The following PPIP5K2 variants were observed in gnomAD, a reference collection of about 807,000 sequenced individuals.
PPIP5K2 encodes inositol hexakisphosphate and diphosphoinositol-pentakisphosphate kinase 2.
Under a neutral mutation model 154.6 loss-of-function variants are expected in PPIP5K2, and 105 were observed. The observed-to-expected ratio is 0.68, with a 90% confidence interval of 0.58 to 0.80. The LOEUF is 0.80. Among genes scored for constraint, PPIP5K2 ranks in the 30% least tolerant of loss-of-function variants. The pLI is 0.00. For missense variants in PPIP5K2, 992 were observed against 1,504.6 expected, an observed-to-expected ratio of 0.66 and a Z score of 5.64; for synonymous variants, 480 against 490.3, an observed-to-expected ratio of 0.98 and a Z score of 0.28.
Position 103,203,078 on chromosome 5 carries a change from T to A in PPIP5K2, c.*1444T>A, listed in dbSNP as rs895548697. On this transcript the variant is annotated 3_prime_UTR_variant, in exon 31 of 31. Coordinates refer to ENST00000358359, the MANE Select transcript of PPIP5K2 (RefSeq NM_001276277.3). ...AATGTAAATGTGTTATATGGAGACATGTCTTGTAAACAGTTGAATGTATGT... is the reference window on the plus strand; with the variant it reads ...AATGTAAATGTGTTATATGGAGACAAGTCTTGTAAACAGTTGAATGTATGT... The A allele has an allele frequency of 6.6e-6, 1 of 152,594 alleles. No individual in the cohort carries two copies. The highest frequency in any genetic ancestry group is 1.5e-5 in the Non-Finnish European group (1 of 67,998). 9.5% of individuals were successfully genotyped at this position (152,594 alleles called of 1,614,324 possible).
At chr5:103,171,693 C>T (rs979405994) in intron 19 of PPIP5K2, among the ~76,000 whole-genome samples, 1 of 151,430 alleles carries the variant, frequency 6.6e-6, no homozygotes, top group Non-Finnish European at 1.5e-5. Context: ...ACATTACCAA[C>T]AAAAGAAAAA....
chr5:103,122,451 G>A (rs1554199363), intron 1 of PPIP5K2, among the ~76,000 whole-genome samples: 1 of 152,162 alleles, frequency 6.6e-6, no homozygotes, highest in African/African-American at 2.4e-5. Flanking sequence ...GGAAATGCAG[G>A]TTCAGCAAAA....
chr5:103,188,325 C>A (rs1580431959), intron 28 of PPIP5K2, among the ~76,000 whole-genome samples: 1 of 152,164 alleles, frequency 6.6e-6, no homozygotes, highest in East Asian at 1.9e-4. Flanking sequence ...TTTTTAACTG[C>A]AAGTAAGTCT....
At chr5:103,150,124 T>G (rs1794393641) in intron 8 of PPIP5K2, among the ~76,000 whole-genome samples, 1 of 152,214 alleles carries the variant, frequency 6.6e-6, no homozygotes, top group Admixed American at 6.5e-5. Context: ...CTTCCTTTAA[T>G]GAAGGATAAA....
Position 103,167,312 on chromosome 5 carries a change from AATC to A in PPIP5K2, c.2059_2061del (p.Ser687del). On this transcript the variant is annotated inframe_deletion, in exon 18 of 31. Transcript: ENST00000358359. ...ATCAGACATCGAATGGAAGATCCTAAATCATCAGGTAAATATGTTTTTCTTAGA... is the reference window on the plus strand; with the variant it reads ...ATCAGACATCGAATGGAAGATCCTAAATCAGGTAAATATGTTTTTCTTAGA... 1.9e-6 allele frequency: 3 copies of A among 1,572,734 alleles called. No individual in the cohort carries two copies. The highest frequency in any genetic ancestry group is 2.6e-6 in the Non-Finnish European group (3 of 1,162,674).
At chr5:103,191,145 A>G (rs1801167400) in intron 29 of PPIP5K2, 163 bp downstream of exon 29, 1 of 514,534 alleles carries the variant, frequency 1.9e-6, no homozygotes, top group Non-Finnish European at 3.1e-6. Context: ...GTGTAATGTG[A>G]ACTGTACCTC....
At chr5:103,130,039 G>A (rs1052357313) in intron 2 of PPIP5K2, among the ~76,000 whole-genome samples, 18 of 152,020 alleles carry the variant, frequency 1.2e-4, no homozygotes, top group African/African-American at 4.1e-4. Flanking sequence ...GAAGATAGGT[G>A]GAAGGAAATA....
rs368230069 is a variant in PPIP5K2, at chr5:103,180,208, C to T, written c.2922+20C>T. ...AATGATGTAAGTATATGTATCAGAA[C>T]ACATTTTTCATACAGTAAACTAACT... On this transcript the variant is annotated intron_variant, in intron 24 of 30. Transcript: ENST00000358359. The T allele has an allele frequency of 1.8e-4, 279 of 1,527,552 alleles. 1 individual carries two copies. The highest frequency in any genetic ancestry group is 2.3e-4 in the Non-Finnish European group (259 of 1,141,344). 94.6% of individuals were successfully genotyped at this position (1,527,552 alleles called of 1,614,324 possible). A position where few individuals can be genotyped will look rare whatever the true frequency, so the allele number is the denominator to read the frequency against.
At position 103,131,170 on chromosome 5, in the gene PPIP5K2, T is replaced by C. The variant is rs544088708; in HGVS notation, c.114+1467T>C. Among the ~76,000 whole-genome samples, 12 of 152,308 alleles carry C rather than the reference T, an allele frequency of 7.9e-5. No homozygotes were observed. The East Asian group carries it at 2.3e-3, about 29-fold the overall frequency. ...TCTTCCTCATTACTGTGTCTTTACG[T>C]TGCTGTATATACAGTTGTCCTTCAA... On this transcript the variant is annotated intron_variant, in intron 2 of 30. Transcript: ENST00000358359.
intron 30 of PPIP5K2, among the ~76,000 whole-genome samples, chr5:103,196,190 C>T (rs1410951445): frequency 3.3e-5 from 5 of 152,118 alleles, no homozygotes; most frequent in Non-Finnish European, 7.4e-5. Context: ...TTTTACCTCA[C>T]GTCCTTGAAG....
chr5:103,135,081 A>G (rs375224665), intron 3 of PPIP5K2, among the ~76,000 whole-genome samples: 3 of 152,300 alleles, frequency 2.0e-5, no homozygotes, highest in South Asian at 4.1e-4. Flanking sequence ...GTTGAATACT[A>G]AAGTTATGTA....
At chr5:103,178,914 T>C (rs977238045) in intron 23 of PPIP5K2, among the ~76,000 whole-genome samples, 9 of 152,030 alleles carry the variant, frequency 5.9e-5, no homozygotes, top group Admixed American at 5.9e-4. Context: ...AAATTAAATT[T>C]CATTTATGAT....
At chr5:103,169,444 C>T (rs1005284261) in intron 19 of PPIP5K2, among the ~76,000 whole-genome samples, 30 of 151,558 alleles carry the variant, frequency 2.0e-4, no homozygotes, top group Admixed American at 1.3e-4. Flanking sequence ...AATAACTGTC[C>T]CTTTCCTAAT....
chr5:103,159,927 C>G (rs1384215284), intron 17 of PPIP5K2, among the ~76,000 whole-genome samples: 1 of 152,128 alleles, frequency 6.6e-6, no homozygotes, highest in Non-Finnish European at 1.5e-5. Flanking sequence ...TCTTCCCAAC[C>G]CCTTCCTTTT....
chr5:103,189,235 T>G, intron 28 of PPIP5K2: 1 of 1,509,748 alleles, frequency 6.6e-7, no homozygotes, highest in Non-Finnish European at 8.9e-7. Context: ...TGGTATGTTT[T>G]TATAGCTTCT....
chr5:103,178,550 G>T (rs1554221712), intron 23 of PPIP5K2, among the ~76,000 whole-genome samples: 1 of 151,246 alleles, frequency 6.6e-6, no homozygotes, highest in East Asian at 1.9e-4. Context: ...TGTTCTTAAA[G>T]ATTATGTTAA....
rs1583313666 is a variant in PPIP5K2, at chr5:103,152,679, T to C, written c.1060T>C (p.Phe354Leu). Residue 354 changes from phenylalanine (F) to leucine (L), a missense_variant, in exon 10 of 31, where the codon TTT becomes CTT. Phe to Leu is a conservative substitution (Grantham distance 22). This residue lies in a region of PPIP5K2 where 163 missense variants were observed against 285.2 expected (regional missense o/e 0.57). Coordinates refer to ENST00000358359, the MANE Select transcript of PPIP5K2 (RefSeq NM_001276277.3). ...TGTAATGCGAGAACTTGCTCCACAA[T>C]TTCATATTCCATGGTCAATACCCTT... Reference protein sequence around the residue: ...NIVMRELAPQFHIPWSIPLEA... With the variant: ...NIVMRELAPQLHIPWSIPLEA... 9 of 1,596,864 alleles carry C rather than the reference T, an allele frequency of 5.6e-6. No homozygotes were observed. Among genetic ancestry groups the C allele is most frequent in the Non-Finnish European group, 7.7e-6 (9 of 1,165,020 alleles).
intron 1 of PPIP5K2, among the ~76,000 whole-genome samples, chr5:103,127,275 G>T (rs376427067): frequency 1.8e-4 from 28 of 152,146 alleles, no homozygotes; most frequent in African/African-American, 6.5e-4. Context: ...TGACATACTG[G>T]ACCTGGCATT....
At chr5:103,170,528 TAAA>T (rs1294865886) in intron 19 of PPIP5K2, among the ~76,000 whole-genome samples, 1 of 151,680 alleles carries the variant, frequency 6.6e-6, no homozygotes, top group Non-Finnish European at 1.5e-5. Context: ...TTCATAGTTT[TAAA>T]ACAAAAGGTC....
Sources: allele counts gnomAD v4.1 joint callset (sites outside exome capture counted in the v4.1 genomes callset), GRCh38; gene constraint gnomAD v4.1.1; regional missense constraint gnomAD v4.1.1; transcripts MANE v1.5; gene names NCBI Gene and HGNC (gene_info 2026-07-23, HGNC 2026-07-21).